The following PCSK5 variants were observed in gnomAD, a reference collection of about 807,000 sequenced individuals.
PCSK5 encodes the protein prohormone convertase 5.
A neutral mutation model predicts 233.2 loss-of-function variants in PCSK5; 129 were observed. That is an observed-to-expected ratio of 0.55 (90% CI 0.48 to 0.64). PCSK5 has a LOEUF of 0.64. Among genes scored for constraint, PCSK5 ranks in the 30% least tolerant of loss-of-function variants. The pLI is 0.00. For synonymous variants in PCSK5, 825 were observed against 879.2 expected (o/e 0.94, Z 1.09); for missense variants, 2,076 against 2,430.1 (o/e 0.85, Z 3.06).
At chr9:76,148,288 C>T (rs1459375080) in intron 10 of PCSK5, among the ~76,000 whole-genome samples, 4 of 150,810 alleles carry the variant, frequency 2.7e-5, no homozygotes, top group East Asian at 4.0e-4. Context: ...TTTCTTTAAC[C>T]TTAGCCATTC....
intron 24 of PCSK5, among the ~76,000 whole-genome samples, chr9:76,289,948 T>C (rs372960094): frequency 6.6e-6 from 1 of 152,182 alleles, no homozygotes; most frequent in African/African-American, 2.4e-5. Flanking sequence ...GAGGCTTGGT[T>C]CTGTTTAACA....
chr9:75,907,307 A>G (rs913929063), intron 1 of PCSK5, among the ~76,000 whole-genome samples: 1 of 152,204 alleles, frequency 6.6e-6, no homozygotes, highest in African/African-American at 2.4e-5. Flanking sequence ...TTTTGCAGAC[A>G]TGGAACGTAC....
At chr9:76,040,926 T>C (rs1358151333) in intron 5 of PCSK5, among the ~76,000 whole-genome samples, 4 of 152,176 alleles carry the variant, frequency 2.6e-5, no homozygotes, top group Admixed American at 2.0e-4. Context: ...AAATTTAGTA[T>C]TGATCCATCA....
intron 2 of PCSK5, among the ~76,000 whole-genome samples, chr9:75,948,523 G>A (rs1441873398): frequency 2.6e-5 from 4 of 151,930 alleles, no homozygotes; most frequent in African/African-American, 9.7e-5. Context: ...GTATTCCATG[G>A]TGTATATGTG....
chr9:75,994,669 G>A (rs543333847), intron 3 of PCSK5, among the ~76,000 whole-genome samples: 3 of 151,774 alleles, frequency 2.0e-5, no homozygotes, highest in African/African-American at 4.8e-5. Context: ...CGATCCACCC[G>A]CCTCGGCCTC....
intron 2 of PCSK5, among the ~76,000 whole-genome samples, chr9:75,963,546 T>G (rs1448505767): frequency 1.3e-5 from 2 of 152,126 alleles, no homozygotes; most frequent in Non-Finnish European, 2.9e-5. Context: ...GGGGGTAGTG[T>G]TAGAGCATTT....
At chr9:76,191,484 A>T (rs1228023563) in intron 20 of PCSK5, among the ~76,000 whole-genome samples, 5 of 152,174 alleles carry the variant, frequency 3.3e-5, no homozygotes, top group Non-Finnish European at 5.9e-5. Flanking sequence ...GTTATTCCAC[A>T]ACTCCCTACA....
chr9:76,235,644 CAT>C (rs1439411474), intron 22 of PCSK5, among the ~76,000 whole-genome samples: 3 of 152,176 alleles, frequency 2.0e-5, no homozygotes, highest in Non-Finnish European at 4.4e-5. Flanking sequence ...GGTTTGTCCT[CAT>C]ATGTTACAAA....
At chr9:76,216,137 C>T (rs66890442) in intron 20 of PCSK5, among the ~76,000 whole-genome samples, 12,212 of 151,990 alleles carry the variant, frequency 0.08, 638 homozygotes, top group Admixed American at 0.13. Flanking sequence ...TACATGACTC[C>T]GCAGGACTTC....
At chr9:76,144,969 T>C (rs887339820) in intron 10 of PCSK5, among the ~76,000 whole-genome samples, 2 of 151,864 alleles carry the variant, frequency 1.3e-5, no homozygotes, top group Non-Finnish European at 2.9e-5. Flanking sequence ...CTACTAAAAA[T>C]AAAAAATTAG....
At chr9:75,949,415 A>G (rs140652524) in intron 2 of PCSK5, among the ~76,000 whole-genome samples, 147 of 152,154 alleles carry the variant, frequency 9.7e-4, no homozygotes, top group African/African-American at 3.3e-3. Flanking sequence ...CTATTTTTCC[A>G]TGTCATGAAG....
At position 75,945,191 on chromosome 9, in the gene PCSK5, A is replaced by G. The variant is rs1486245406; in HGVS notation, c.297+12708A>G. ...AAGATATATGTCATACATATATAAT[A>G]TAACATATAAAATATAATAATAAAA... On this transcript the variant is annotated intron_variant, in intron 2 of 37. Coordinates refer to ENST00000674117, the MANE Select transcript of PCSK5 (RefSeq NM_001372043.1). Among the ~76,000 whole-genome samples, 30 of 150,926 alleles carry G rather than the reference A, an allele frequency of 2.0e-4. No individual in the cohort carries two copies. The Admixed American group carries it at 2.0e-3, about 10-fold the overall frequency.
chr9:76,288,951 T>C (rs1226150917), intron 24 of PCSK5, among the ~76,000 whole-genome samples: 1 of 152,056 alleles, frequency 6.6e-6, no homozygotes, highest in East Asian at 1.9e-4. Flanking sequence ...GAGAACAAAA[T>C]AAAATGGCAT....
chr9:76,356,655 C>A (rs751381062), intron 37 of PCSK5, among the ~76,000 whole-genome samples: 1 of 152,028 alleles, frequency 6.6e-6, no homozygotes, highest in East Asian at 1.9e-4. Context: ...AGAAGAAACT[C>A]GGCTTGATAG....
intron 9 of PCSK5, among the ~76,000 whole-genome samples, chr9:76,124,005 G>A (rs1832746093): frequency 6.6e-6 from 1 of 152,092 alleles, no homozygotes; most frequent in Non-Finnish European, 1.5e-5. Context: ...AAGTCTAGGG[G>A]ATGCAACTCT....
chr9:76,116,835 G>A (rs994004240), intron 9 of PCSK5, among the ~76,000 whole-genome samples: 2 of 152,054 alleles, frequency 1.3e-5, no homozygotes, highest in Non-Finnish European at 2.9e-5. Flanking sequence ...ACCTTTCTTT[G>A]TTAAGTACTG....
At chr9:76,092,195 C>A (rs1232350113) in intron 7 of PCSK5, among the ~76,000 whole-genome samples, 3 of 152,154 alleles carry the variant, frequency 2.0e-5, no homozygotes, top group African/African-American at 7.2e-5. Flanking sequence ...TCTAATTCTA[C>A]TGCCAAGTCT....
intron 13 of PCSK5, among the ~76,000 whole-genome samples, chr9:76,171,054 A>G (rs1286090370): frequency 6.6e-6 from 1 of 152,204 alleles, no homozygotes; most frequent in Non-Finnish European, 1.5e-5. Flanking sequence ...TGCCCAGCTC[A>G]CCTCCAGAAT....
rs952655243 is a variant in PCSK5, at chr9:76,352,215, T to C, written c.5067+1287T>C. Among the ~76,000 whole-genome samples, 11 of 152,192 alleles carry C rather than the reference T, an allele frequency of 7.2e-5. 1 individual carries two copies. The highest frequency in any genetic ancestry group is 3.9e-4 in the Admixed American group (6 of 15,278). On this transcript the variant is annotated intron_variant, in intron 36 of 37. Transcript: ENST00000674117. ...TCATGACTTCCCTTTTTAGACCATA[T>C]AGGGTAACTTCCTGATGTTGCCATG... is the stretch of plus-strand genomic sequence containing the variant.
Sources: gnomAD v4.1 joint callset for allele counts (sites outside exome capture counted in the v4.1 genomes callset) on GRCh38, gnomAD v4.1.1 for gene constraint, MANE v1.5 for transcripts, NCBI Gene and HGNC (gene_info 2026-07-23, HGNC 2026-07-21) for gene names.